Variants in UQCC6 observed in about 807,000 individuals in gnomAD.
UQCC6 encodes ubiquinol-cytochrome c reductase complex assembly factor 6, also known as protein BRAWNIN.
the UQCC6 span, chr12:103,957,339 C>G: frequency 6.6e-6 from 1 of 151,632 alleles, no homozygotes; most frequent in Non-Finnish European, 1.5e-5. Context: ...AATTCCGACA[C>G]TTTCTCAGCC....
the UQCC6 span, chr12:103,953,303 T>G: frequency 2.9e-6 from 2 of 699,166 alleles, no homozygotes; most frequent in East Asian, 5.4e-5. Context: ...GATCTGCTCA[T>G]ATGTACAGTA....
At chr12:103,956,501 C>G in the UQCC6 span, 1 of 645,898 alleles carries the variant, frequency 1.5e-6, no homozygotes, top group Non-Finnish European at 2.7e-6. Flanking sequence ...ATCACTTTTG[C>G]TGCCACGAGG....
At chr12:103,957,870 G>A in the UQCC6 span, among the ~76,000 whole-genome samples, 1 of 142,912 alleles carries the variant, frequency 7.0e-6, no homozygotes, top group Non-Finnish European at 1.5e-5. Flanking sequence ...TGGCAAGATG[G>A]CAAGACTCCA....
chr12:103,953,797 T>C, the UQCC6 span, among the ~76,000 whole-genome samples: 34 of 152,304 alleles, frequency 2.2e-4, no homozygotes, highest in East Asian at 9.6e-4. Flanking sequence ...GTAGCTGCTG[T>C]AACAACCCTT....
chr12:103,953,157 C>T, the UQCC6 span, among the ~76,000 whole-genome samples: 1 of 152,010 alleles, frequency 6.6e-6, no homozygotes, highest in Admixed American at 6.5e-5. Context: ...GAGCAAGAGT[C>T]GAAGGCAGAA....
the UQCC6 span, among the ~76,000 whole-genome samples, chr12:103,952,084 C>T: frequency 2.0e-5 from 3 of 152,178 alleles, no homozygotes; most frequent in Non-Finnish European, 2.9e-5. Context: ...CCCTGCATTC[C>T]AGGAAGGTAT....
At chr12:103,956,460 C>G in the UQCC6 span, 272 of 576,818 alleles carry the variant, frequency 4.7e-4, 2 homozygotes, top group Middle Eastern at 8.4e-4. Flanking sequence ...GTTTTGGGCC[C>G]AGGGCAAATG....
chr12:103,963,367 C>T, the UQCC6 span, among the ~76,000 whole-genome samples: 3 of 152,190 alleles, frequency 2.0e-5, no homozygotes, highest in Admixed American at 6.5e-5. Context: ...TGAGCCACTG[C>T]GCCCGGCTAA....
At chr12:103,963,448 A>C in the UQCC6 span, among the ~76,000 whole-genome samples, 1 of 152,176 alleles carries the variant, frequency 6.6e-6, no homozygotes, top group Admixed American at 6.5e-5. Flanking sequence ...AGCTTTGGCT[A>C]TTCTAGATCT....
At chr12:103,964,830 C>G in the UQCC6 span, among the ~76,000 whole-genome samples, 1 of 152,160 alleles carries the variant, frequency 6.6e-6, no homozygotes, top group Admixed American at 6.5e-5. Context: ...ACAGGGTATT[C>G]ATAAAAGTTC....
the UQCC6 span, chr12:103,953,724 T>C: frequency 1.6e-6 from 1 of 618,416 alleles, no homozygotes; most frequent in Non-Finnish European, 2.9e-6. Flanking sequence ...GAGGTGAGTT[T>C]AGACCCTTCA....
At chr12:103,964,410 G>A in the UQCC6 span, among the ~76,000 whole-genome samples, 1 of 152,050 alleles carries the variant, frequency 6.6e-6, no homozygotes, top group Non-Finnish European at 1.5e-5. Context: ...GAGCCACCAC[G>A]CCCGGCCTCC....
At chr12:103,952,125 A>C in the UQCC6 span, among the ~76,000 whole-genome samples, 1 of 152,150 alleles carries the variant, frequency 6.6e-6, no homozygotes, top group Non-Finnish European at 1.5e-5. Flanking sequence ...CACCACAATA[A>C]ATTTTAGAAA....
At chr12:103,958,900 A>C in the UQCC6 span, among the ~76,000 whole-genome samples, 2 of 27,088 alleles carry the variant, frequency 7.4e-5, no homozygotes, top group African/African-American at 2.7e-4. Context: ...CCAGTGACAA[A>C]AACCTCCTTT....
chr12:103,962,241 T>C, the UQCC6 span, among the ~76,000 whole-genome samples: 3 of 152,240 alleles, frequency 2.0e-5, no homozygotes, highest in East Asian at 3.8e-4. Flanking sequence ...TCAGATATGA[T>C]CTGCAAATAT....
chr12:103,953,935 T>G, the UQCC6 span, among the ~76,000 whole-genome samples: 1 of 152,242 alleles, frequency 6.6e-6, no homozygotes, highest in Non-Finnish European at 1.5e-5. Flanking sequence ...CTAAACTGCA[T>G]TACTGTGGAA....
chr12:103,959,324 A>C, the UQCC6 span, among the ~76,000 whole-genome samples: 2 of 152,206 alleles, frequency 1.3e-5, no homozygotes, highest in Non-Finnish European at 2.9e-5. Context: ...AAAGACTGGT[A>C]TAGAAGTCTT....
chr12:103,957,073 T>A, the UQCC6 span: 122,011 of 329,302 alleles, frequency 0.37, 24,455 homozygotes, highest in African/African-American at 0.57. Context: ...TTCTACCTCT[T>A]GGAGGAGAGG....
chr12:103,956,601 A>T, the UQCC6 span: 17 of 1,445,804 alleles, frequency 1.2e-5, no homozygotes, highest in Non-Finnish European at 1.6e-5. Flanking sequence ...ATTTAGCTCA[A>T]AAATAAAATA....
Sources: allele counts gnomAD v4.1 joint callset (sites outside exome capture counted in the v4.1 genomes callset), GRCh38; gene constraint gnomAD v4.1.1; transcripts MANE v1.5; gene names NCBI Gene and HGNC (gene_info 2026-07-23, HGNC 2026-07-21).